Variants in C1QTNF3 observed in about 807,000 individuals in gnomAD.
C1QTNF3 encodes C1q and TNF related 3.
C1QTNF3 carries 26 observed loss-of-function variants against 32.6 expected under a neutral mutation model. That is an observed-to-expected ratio of 0.80 (90% CI 0.58 to 1.11). The LOEUF (loss-of-function observed/expected upper bound fraction) is 1.11. Ranked by LOEUF, C1QTNF3 falls within the 50% of genes least tolerant of loss-of-function variation. The pLI is 0.00. For missense variants in C1QTNF3, 362 were observed against 398.2 expected, an observed-to-expected ratio of 0.91 and a Z score of 0.77; for synonymous variants, 155 against 146.0, an observed-to-expected ratio of 1.06 and a Z score of -0.44.
At chr5:34,172,907 C>A in the C1QTNF3 span, among the ~76,000 whole-genome samples, 1 of 152,132 alleles carries the variant, frequency 6.6e-6, no homozygotes, top group Non-Finnish European at 1.5e-5. Flanking sequence ...ATAAACAATG[C>A]TGTGAAAGCA....
At chr5:34,056,454 G>GTGCATA in the C1QTNF3 span, among the ~76,000 whole-genome samples, 4 of 48,964 alleles carry the variant, frequency 8.2e-5, no homozygotes, top group African/African-American at 3.4e-4. Flanking sequence ...GTGTGTGTGT[G>GTGCATA]TATATATATA....
At chr5:34,143,347 TA>T in the C1QTNF3 span, among the ~76,000 whole-genome samples, 1 of 152,216 alleles carries the variant, frequency 6.6e-6, no homozygotes, top group African/African-American at 2.4e-5. Flanking sequence ...GAAAGACTTG[TA>T]AAATACACTT....
chr5:34,244,013 T>G, the C1QTNF3 span, among the ~76,000 whole-genome samples: 1 of 152,224 alleles, frequency 6.6e-6, no homozygotes, highest in Non-Finnish European at 1.5e-5. Flanking sequence ...TATAATATTT[T>G]TTAAGGGGGA....
the C1QTNF3 span, among the ~76,000 whole-genome samples, chr5:34,133,332 A>T: frequency 6.6e-6 from 1 of 152,132 alleles, no homozygotes; most frequent in Non-Finnish European, 1.5e-5. Context: ...GTTTAGCTGC[A>T]TTTTGAAAAA....
At chr5:34,039,141 A>G (rs370008684) in intron 1 of C1QTNF3, among the ~76,000 whole-genome samples, 7 of 152,026 alleles carry the variant, frequency 4.6e-5, no homozygotes, top group African/African-American at 1.4e-4. Context: ...CATGGTTACA[A>G]CTCCAGTAAA....
intron 1 of C1QTNF3, among the ~76,000 whole-genome samples, chr5:34,037,152 T>A (rs751583930): frequency 6.6e-6 from 1 of 152,224 alleles, no homozygotes; most frequent in Non-Finnish European, 1.5e-5. Context: ...AAGTTGCTTA[T>A]GAAATTTGAA....
At chr5:34,177,555 C>G in the C1QTNF3 span, among the ~76,000 whole-genome samples, 1 of 142,998 alleles carries the variant, frequency 7.0e-6, no homozygotes, top group Non-Finnish European at 1.5e-5. Flanking sequence ...GGCACAATCT[C>G]GGCTCACTGC....
At chr5:34,117,338 A>G in the C1QTNF3 span, among the ~76,000 whole-genome samples, 1 of 152,212 alleles carries the variant, frequency 6.6e-6, no homozygotes, top group African/African-American at 2.4e-5. Flanking sequence ...TTTAGATTAT[A>G]CTGACTTAGG....
chr5:34,125,356 C>A, the C1QTNF3 span, among the ~76,000 whole-genome samples: 9 of 151,842 alleles, frequency 5.9e-5, no homozygotes, highest in Non-Finnish European at 1.3e-4. Flanking sequence ...GAGGTAACTT[C>A]TATTTTTTAG....
chr5:34,122,119 A>G, the C1QTNF3 span, among the ~76,000 whole-genome samples: 4 of 152,202 alleles, frequency 2.6e-5, no homozygotes, highest in East Asian at 1.9e-4. Flanking sequence ...GCTCTATGCT[A>G]TAACATATAC....
At chr5:34,238,480 T>G in the C1QTNF3 span, among the ~76,000 whole-genome samples, 5 of 151,972 alleles carry the variant, frequency 3.3e-5, no homozygotes, top group African/African-American at 1.2e-4. Flanking sequence ...TATAAGAATT[T>G]TATAATACAA....
chr5:34,197,469 G>A, the C1QTNF3 span, among the ~76,000 whole-genome samples: 1 of 152,080 alleles, frequency 6.6e-6, no homozygotes, highest in Non-Finnish European at 1.5e-5. Context: ...TCAATCAATG[G>A]TAAATATTAT....
chr5:34,195,826 C>T, the C1QTNF3 span, among the ~76,000 whole-genome samples: 2 of 143,508 alleles, frequency 1.4e-5, no homozygotes, highest in Admixed American at 1.4e-4. Flanking sequence ...GGTGACAGAG[C>T]GAGACTCTGT....
chr5:34,116,752 G>A, the C1QTNF3 span, among the ~76,000 whole-genome samples: 2 of 151,684 alleles, frequency 1.3e-5, no homozygotes, highest in East Asian at 1.9e-4. Flanking sequence ...CTGACACCAC[G>A]CCCAGCTAAT....
At chr5:34,064,616 C>T in the C1QTNF3 span, among the ~76,000 whole-genome samples, 4 of 152,164 alleles carry the variant, frequency 2.6e-5, no homozygotes, top group Admixed American at 2.6e-4. Context: ...ATCAGGAGTG[C>T]AGCGGACACA....
the C1QTNF3 span, among the ~76,000 whole-genome samples, chr5:34,103,611 T>A: frequency 3.2e-5 from 4 of 124,236 alleles, 1 homozygote; most frequent in African/African-American, 9.9e-5. Flanking sequence ...TGAGGTCAGG[T>A]GTTTGTGACC....
At chr5:34,123,424 G>C in the C1QTNF3 span, among the ~76,000 whole-genome samples, 1 of 151,988 alleles carries the variant, frequency 6.6e-6, no homozygotes, top group Non-Finnish European at 1.5e-5. Flanking sequence ...CAAACATGAG[G>C]TGTGTGTATT....
the C1QTNF3 span, among the ~76,000 whole-genome samples, chr5:34,137,147 T>TAA: frequency 2.3e-3 from 332 of 142,238 alleles, 1 homozygote; most frequent in African/African-American, 8.4e-3. Context: ...AAAGTATAAT[T>TAA]AAAAAAAAAA....
the C1QTNF3 span, among the ~76,000 whole-genome samples, chr5:34,211,264 T>G: frequency 1.3e-5 from 2 of 151,992 alleles, no homozygotes; most frequent in Non-Finnish European, 2.9e-5. Context: ...GTTTCATTAA[T>G]TTTTACACTC....
Sources: allele counts gnomAD v4.1 joint callset (sites outside exome capture counted in the v4.1 genomes callset), GRCh38; gene constraint gnomAD v4.1.1; transcripts MANE v1.5; gene names NCBI Gene and HGNC (gene_info 2026-07-23, HGNC 2026-07-21).